The following NFIX variants were observed in gnomAD, a reference collection of about 807,000 sequenced individuals.
NFIX encodes the protein nuclear factor I X, also known as nuclear factor 1 X-type.
In NFIX, 2 loss-of-function variants were observed where a neutral mutation model predicts 53.3. That is an observed-to-expected ratio of 0.04 (90% CI 0.02 to 0.12). NFIX has a LOEUF of 0.12. Among genes scored for constraint, NFIX ranks in the 10% least tolerant of loss-of-function variants. The pLI is 1.00. For synonymous variants in NFIX, 244 were observed against 289.0 expected (o/e 0.84, Z 1.58); for missense variants, 310 against 674.5 (o/e 0.46, Z 5.99).
rs2017902699 is a variant in NFIX at position 13,088,190 on chromosome 19, AAC to A, written c.1402+56_1402+57del. On this transcript the variant is annotated intron_variant, in intron 9 of 10. Transcript: ENST00000592199. The surrounding 1 kb of genome is among the most constrained non-coding windows in gnomAD (Gnocchi z 5.9). The stretch of plus-strand genomic sequence containing the variant: ...ACGCCCAGCGTCCCCGGCCCGTCCA[AAC>A]AGTCTCCACTGCAAAAAGAAAAGCC... 2 of 1,530,086 alleles carry A rather than the reference AAC, an allele frequency of 1.3e-6. No homozygotes were observed. Among genetic ancestry groups the A allele is most frequent in the Non-Finnish European group, 8.8e-7 (1 of 1,142,226 alleles). The allele number at this position is 1,530,086 out of a possible 1,614,324, so 94.8% of individuals were successfully genotyped here.
At chr19:13,076,896 C>G (rs558638640) in intron 6 of NFIX, among the ~76,000 whole-genome samples, 27 of 152,220 alleles carry the variant, frequency 1.8e-4, no homozygotes, top group African/African-American at 5.8e-4. Flanking sequence ...GCTGGAGACC[C>G]TCTAGATGGC....
chr19:13,020,407 A>C (rs1244835681), intron 1 of NFIX, among the ~76,000 whole-genome samples: 1 of 152,082 alleles, frequency 6.6e-6, no homozygotes, highest in African/African-American at 2.4e-5. Context: ...GGAGGAAGGG[A>C]GGGAGGGAGG....
At chr19:13,065,446 T>G (rs1000964405) in intron 2 of NFIX, among the ~76,000 whole-genome samples, 2 of 152,200 alleles carry the variant, frequency 1.3e-5, no homozygotes, top group African/African-American at 4.8e-5. Flanking sequence ...GTTCCCTCCA[T>G]AGTCAGGTAT....
At chr19:13,008,934 T>C (rs1001298599) in intron 1 of NFIX, among the ~76,000 whole-genome samples, 1 of 152,182 alleles carries the variant, frequency 6.6e-6, no homozygotes, top group African/African-American at 2.4e-5. Flanking sequence ...AGTGAGTTCC[T>C]CCTGCAGTTC....
At chr19:13,024,974 C>T in intron 1 of NFIX, 47 bp from the exon 2 acceptor site, 6 of 1,553,908 alleles carry the variant, frequency 3.9e-6, no homozygotes, top group Non-Finnish European at 4.4e-6. Context: ...GTCTTCCCCT[C>T]CTCCCGTCCT....
At chr19:12,999,002 T>C (rs1006060695) in intron 1 of NFIX, among the ~76,000 whole-genome samples, 1 of 151,906 alleles carries the variant, frequency 6.6e-6, no homozygotes, top group South Asian at 2.1e-4. Flanking sequence ...CCTCCCAGAC[T>C]CATGGAGCCC....
At chr19:13,039,243 C>A (rs2014442797) in intron 2 of NFIX, among the ~76,000 whole-genome samples, 1 of 147,074 alleles carries the variant, frequency 6.8e-6, no homozygotes, top group Non-Finnish European at 1.5e-5. Flanking sequence ...CACACACATA[C>A]ACGTGTGTGT....
intron 2 of NFIX, among the ~76,000 whole-genome samples, chr19:13,050,844 A>G (rs2015284291): frequency 6.6e-6 from 1 of 152,146 alleles, no homozygotes; most frequent in South Asian, 2.1e-4. Context: ...CTCTGGTCAC[A>G]GGGGACATGC....
chr19:13,075,266 T>C (rs1303792363), intron 5 of NFIX, among the ~76,000 whole-genome samples: 1 of 152,072 alleles, frequency 6.6e-6, no homozygotes, highest in Non-Finnish European at 1.5e-5. Flanking sequence ...TTTTGCCGAC[T>C]TCTCTGATGT....
rs62109903 is a variant in NFIX, at chr19:13,067,483, C to T, written c.560-5564C>T. Among the ~76,000 whole-genome samples, 182 of 147,412 alleles carry T rather than the reference C, an allele frequency of 1.2e-3. 2 individuals carry two copies. The South Asian group carries it at 0.014, about 11-fold the overall frequency. ...GCGCGCGTGTGTGTGTGTGTGTGTGCGTGTGTGTGTGTGTGTGTGTGTATG... is the reference window on the plus strand; with the variant it reads ...GCGCGCGTGTGTGTGTGTGTGTGTGTGTGTGTGTGTGTGTGTGTGTGTATG... On this transcript the variant is annotated intron_variant, in intron 2 of 10. Coordinates refer to ENST00000592199, the MANE Select transcript of NFIX (RefSeq NM_001365902.3). The surrounding 1 kb of genome is among the most constrained non-coding windows in gnomAD (Gnocchi z 4.2).
At chr19:13,023,146 G>A (rs1178061321) in intron 1 of NFIX, among the ~76,000 whole-genome samples, 1 of 147,512 alleles carries the variant, frequency 6.8e-6, no homozygotes, top group Non-Finnish European at 1.5e-5. Flanking sequence ...CAAGCAAATG[G>A]ATGGGGATTG....
chr19:13,078,030 A>G lies in NFIX; in HGVS notation c.956-583A>G, dbSNP rs2017215407. 6.6e-6 allele frequency among the ~76,000 whole-genome samples: 1 copy of G among 152,052 alleles called. No homozygotes were observed. Among genetic ancestry groups the G allele is most frequent in the Non-Finnish European group, 1.5e-5 (1 of 67,978 alleles). On this transcript the variant is annotated intron_variant, in intron 6 of 10. Coordinates refer to ENST00000592199, the MANE Select transcript of NFIX (RefSeq NM_001365902.3). The surrounding 1 kb of genome is among the most constrained non-coding windows in gnomAD (Gnocchi z 4.7). ...CTGCACAGCCCGGCTAGGCCTGAGCAGCCCAAGGACTCTCCAGGTCCTCTG... is the reference window on the plus strand; with the variant it reads ...CTGCACAGCCCGGCTAGGCCTGAGCGGCCCAAGGACTCTCCAGGTCCTCTG...
At position 13,056,157 on chromosome 19, in the gene NFIX, G is replaced by A. The variant is rs1018877163; in HGVS notation, c.560-16890G>A. Among the ~76,000 whole-genome samples, 5 of 152,282 alleles carry A rather than the reference G, an allele frequency of 3.3e-5. No homozygotes were observed. In the East Asian group the frequency reaches 9.7e-4, roughly 29 times the overall value. Reference sequence around the variant, plus strand: ...AGCCAACTTTGCTGCCGCAGTACCCGCCCTTCGGAAGGAGTTGGGGAAGCA... The same window carrying A: ...AGCCAACTTTGCTGCCGCAGTACCCACCCTTCGGAAGGAGTTGGGGAAGCA... On this transcript the variant is annotated intron_variant, in intron 2 of 10. Transcript: ENST00000592199.
intron 2 of NFIX, among the ~76,000 whole-genome samples, chr19:13,053,975 C>T (rs953833891): frequency 2.0e-5 from 3 of 152,106 alleles, no homozygotes; most frequent in Non-Finnish European, 4.4e-5. Flanking sequence ...TCTTTGTGGT[C>T]CTGGCCTACT....
chr19:13,036,724 G>T lies in NFIX; in HGVS notation c.559+11172G>T, dbSNP rs919157163. 3.9e-5 allele frequency among the ~76,000 whole-genome samples: 6 copies of T among 152,116 alleles called. No individual in the cohort carries two copies. Among genetic ancestry groups the T allele is most frequent in the African/African-American group, 1.4e-4 (6 of 41,402 alleles). On this transcript the variant is annotated intron_variant, in intron 2 of 10. Transcript: ENST00000592199. The surrounding 1 kb of genome is among the most constrained non-coding windows in gnomAD (Gnocchi z 4.7). ...AGGTGGCCCAGAATACAGACAGGGGGTGTAATAAGTGTATATCCTCTGGCT... is the reference window on the plus strand; with the variant it reads ...AGGTGGCCCAGAATACAGACAGGGGTTGTAATAAGTGTATATCCTCTGGCT...
In NFIX at chr19:13,093,600, C is replaced by G. The variant is rs144412371; in HGVS notation, c.1495-1035C>G. On this transcript the variant is annotated intron_variant, in intron 10 of 10. Transcript: ENST00000592199. The surrounding 1 kb of genome is among the most constrained non-coding windows in gnomAD (Gnocchi z 4.7). ...GTGGCCTCAGGCAGGTCACGTACCC[C>G]CTCTGTGCCTAGCTTCCTGGTGGGG... 0.028 allele frequency among the ~76,000 whole-genome samples: 4,288 copies of G among 152,298 alleles called. 73 individuals are homozygous for G. The highest frequency in any genetic ancestry group is 0.082 in the Middle Eastern group (24 of 294).
Position 13,073,570 on chromosome 19 carries a change from C to T in NFIX, c.697+74C>T. 7.5e-6 allele frequency: 10 copies of T among 1,336,390 alleles called. No homozygotes were observed. Among genetic ancestry groups the T allele is most frequent in the Non-Finnish European group, 9.7e-6 (9 of 928,492 alleles). The allele number at this position is 1,336,390 out of a possible 1,614,324, so 82.8% of individuals were successfully genotyped here. On this transcript the variant is annotated intron_variant, in intron 4 of 10. Coordinates refer to ENST00000592199, the MANE Select transcript of NFIX (RefSeq NM_001365902.3). The surrounding 1 kb of genome is among the most constrained non-coding windows in gnomAD (Gnocchi z 4.5). The stretch of plus-strand genomic sequence containing the variant: ...AGGTGGGACCTCATGGGATGTCCTC[C>T]TAATGGGGTCTTAGGGCAGGTGGAT...
chr19:13,034,843 G>A (rs1320748997), intron 2 of NFIX, among the ~76,000 whole-genome samples: 4 of 147,814 alleles, frequency 2.7e-5, no homozygotes, highest in African/African-American at 5.3e-5. Context: ...CTAGATTTTC[G>A]TCTGTGTCCA....
Position 13,088,108 on chromosome 19 carries a change from C to T in NFIX, c.1374C>T (p.Asp458=), listed in dbSNP as rs1439711292. ...CCAAATCCACCAGCACTGCCCCAGA[C>T]GGCGCCGCCTTGACTCCTCCATCAC... ...PDSKSTSTAP[D]GAALTPPSPS... Residue 458 remains aspartate, a synonymous_variant, in exon 9 of 11, where the codon GAC becomes GAT. Transcript: ENST00000592199. The surrounding 1 kb of genome is among the most constrained non-coding windows in gnomAD (Gnocchi z 5.9). 9.8e-6 allele frequency: 15 copies of T among 1,536,532 alleles called. No individual in the cohort carries two copies. Among genetic ancestry groups the T allele is most frequent in the South Asian group, 4.8e-5 (4 of 84,064 alleles).
Sources: allele counts gnomAD v4.1 joint callset (sites outside exome capture counted in the v4.1 genomes callset), GRCh38; gene constraint gnomAD v4.1.1; non-coding constraint Gnocchi (gnomAD v3.1); transcripts MANE v1.5; gene names NCBI Gene and HGNC (gene_info 2026-07-23, HGNC 2026-07-21).